Variants in GRID1 observed in about 807,000 individuals in gnomAD.
GRID1 encodes glutamate ionotropic receptor delta type subunit 1.
Under a neutral mutation model 98.0 loss-of-function variants are expected in GRID1, and 28 were observed. The observed-to-expected ratio is 0.29, with a 90% CI of 0.21 to 0.39. GRID1 has a LOEUF of 0.39. Among genes scored for constraint, GRID1 ranks in the 10% least tolerant of loss-of-function variants. The pLI is 1.00. For missense variants in GRID1, 1,111 were observed against 1,340.5 expected (o/e 0.83, Z 2.67); for synonymous variants, 553 against 538.5 (o/e 1.03, Z -0.37).
At chr10:86,284,937 G>A (rs112840212) in intron 2 of GRID1, among the ~76,000 whole-genome samples, 246 of 152,184 alleles carry the variant, frequency 1.6e-3, no homozygotes, top group African/African-American at 5.3e-3. Flanking sequence ...GTCACCTCTC[G>A]AGCCTCCATG....
At chr10:86,332,411 G>A (rs1256985648) in intron 2 of GRID1, among the ~76,000 whole-genome samples, 2 of 152,114 alleles carry the variant, frequency 1.3e-5, no homozygotes, top group Non-Finnish European at 2.9e-5. Flanking sequence ...GAACGCCTCT[G>A]AAGGGCCACT....
At chr10:86,317,269 G>A (rs1166165370) in intron 2 of GRID1, among the ~76,000 whole-genome samples, 1 of 152,040 alleles carries the variant, frequency 6.6e-6, no homozygotes, top group Admixed American at 6.5e-5. Context: ...TCCTGGGAGG[G>A]AGGCCGCACC....
At chr10:86,013,492 G>A (rs1458383034) in intron 4 of GRID1, among the ~76,000 whole-genome samples, 2 of 152,154 alleles carry the variant, frequency 1.3e-5, no homozygotes, top group African/African-American at 2.4e-5. Flanking sequence ...TTCTGATATG[G>A]TCTCTTACTG....
chr10:86,030,826 CAT>C (rs1210122003), intron 4 of GRID1, among the ~76,000 whole-genome samples: 2 of 152,190 alleles, frequency 1.3e-5, no homozygotes, highest in Non-Finnish European at 2.9e-5. Context: ...AGGCTGCAGA[CAT>C]AGACAAGCAA....
intron 4 of GRID1, among the ~76,000 whole-genome samples, chr10:86,126,612 CA>C (rs1298100413): frequency 6.6e-6 from 1 of 152,202 alleles, no homozygotes; most frequent in Non-Finnish European, 1.5e-5. Context: ...AGTATATATG[CA>C]ATAAATCAGA....
At chr10:85,961,519 TCTGC>T (rs3057903) in intron 4 of GRID1, among the ~76,000 whole-genome samples, 9,213 of 151,598 alleles carry the variant, frequency 0.061, 477 homozygotes, top group East Asian at 0.16. Context: ...CTCCCTCCCT[TCTGC>T]CTTTCTTCCT....
intron 13 of GRID1, among the ~76,000 whole-genome samples, chr10:85,628,409 TGTATGA>T (rs1842936172): frequency 6.6e-6 from 1 of 151,792 alleles, no homozygotes; most frequent in African/African-American, 2.4e-5. Context: ...TATGTGTGAG[TGTATGA>T]GTATGTGTAT....
At chr10:85,857,903 T>C (rs747395736) in intron 6 of GRID1, among the ~76,000 whole-genome samples, 26 of 152,184 alleles carry the variant, frequency 1.7e-4, no homozygotes, top group Non-Finnish European at 2.9e-4. Flanking sequence ...CTCATGTTTC[T>C]TAGTCCAGGT....
chr10:86,302,146 C>G (rs1847697823), intron 2 of GRID1, among the ~76,000 whole-genome samples: 1 of 152,224 alleles, frequency 6.6e-6, no homozygotes, highest in Non-Finnish European at 1.5e-5. Flanking sequence ...TGGTCTAGGT[C>G]ACAGCCAGGT....
intron 2 of GRID1, among the ~76,000 whole-genome samples, chr10:86,348,062 C>T (rs572150005): frequency 2.0e-5 from 3 of 152,224 alleles, no homozygotes; most frequent in South Asian, 4.1e-4. Flanking sequence ...CCACCTATCA[C>T]TGGGGTCTCA....
chr10:86,129,917 G>A (rs530812551), intron 4 of GRID1, among the ~76,000 whole-genome samples: 1 of 152,348 alleles, frequency 6.6e-6, no homozygotes, highest in East Asian at 1.9e-4. Context: ...TGCAGTAGAA[G>A]TCACAATGCA....
At chr10:86,149,819 G>T (rs753727626) in intron 3 of GRID1, among the ~76,000 whole-genome samples, 1 of 152,086 alleles carries the variant, frequency 6.6e-6, no homozygotes, top group Admixed American at 6.6e-5. Context: ...ATAAAATTCC[G>T]CGGTGTTTAT....
At chr10:86,248,811 G>A (rs1846775074) in intron 2 of GRID1, among the ~76,000 whole-genome samples, 1 of 152,142 alleles carries the variant, frequency 6.6e-6, no homozygotes, top group Non-Finnish European at 1.5e-5. Context: ...GGGCTCCAGT[G>A]ATCCACCTGC....
intron 4 of GRID1, among the ~76,000 whole-genome samples, chr10:86,138,190 T>C (rs952571574): frequency 6.6e-6 from 1 of 152,208 alleles, no homozygotes; most frequent in Admixed American, 6.5e-5. Context: ...ATAGGTTATT[T>C]CTAGTTTCTT....
At chr10:85,904,923 A>G (rs1454946611) in intron 5 of GRID1, among the ~76,000 whole-genome samples, 16 of 152,270 alleles carry the variant, frequency 1.1e-4, no homozygotes, top group Non-Finnish European at 2.1e-4. Flanking sequence ...GGAGGCAGAA[A>G]AATATTAGAA....
chr10:85,770,996 G>C (rs1333373597), intron 8 of GRID1, among the ~76,000 whole-genome samples: 1 of 152,258 alleles, frequency 6.6e-6, no homozygotes, highest in East Asian at 1.9e-4. Flanking sequence ...TCCTCGAGAA[G>C]AGCAACTCCA....
chr10:85,959,732 A>G (rs1842241356), intron 4 of GRID1, among the ~76,000 whole-genome samples: 1 of 152,134 alleles, frequency 6.6e-6, no homozygotes, highest in Non-Finnish European at 1.5e-5. Flanking sequence ...ATTACTGTCT[A>G]ATTTCTATTA....
chr10:86,158,745 G>A (rs1845280553), intron 3 of GRID1, among the ~76,000 whole-genome samples: 1 of 152,160 alleles, frequency 6.6e-6, no homozygotes, highest in African/African-American at 2.4e-5. Flanking sequence ...GAGTCTGGGT[G>A]ATCCCACACT....
intron 12 of GRID1, among the ~76,000 whole-genome samples, chr10:85,655,529 T>G (rs1013958172): frequency 9.2e-5 from 14 of 152,308 alleles, no homozygotes; most frequent in African/African-American, 2.6e-4. Flanking sequence ...ACTGAATGGC[T>G]GAATATGGCT....
Sources: allele counts gnomAD v4.1 joint callset (sites outside exome capture counted in the v4.1 genomes callset), GRCh38; gene constraint gnomAD v4.1.1; transcripts MANE v1.5; gene names NCBI Gene and HGNC (gene_info 2026-07-23, HGNC 2026-07-21).